The following COA1 variants were observed in gnomAD, a reference collection of about 807,000 sequenced individuals.
COA1 encodes cytochrome c oxidase assembly factor 1.
A neutral mutation model predicts 16.0 loss-of-function variants in COA1; 13 were observed. That is an observed-to-expected ratio of 0.81 (90% CI 0.53 to 1.29). The LOEUF is 1.29. Among genes scored for constraint, COA1 ranks in the 50% most tolerant of loss-of-function variants. The probability of loss-of-function intolerance (pLI) is 0.00; values close to 1 mark genes in which losing one functional copy is unlikely to be tolerated. For synonymous variants in COA1, 65 were observed against 65.7 expected (o/e 0.99, Z 0.05); for missense variants, 179 against 177.0 (o/e 1.01, Z -0.06).
intron 1 of COA1, among the ~76,000 whole-genome samples, chr7:43,672,773 CAAAA>C (rs34219718): frequency 3.0e-5 from 3 of 100,814 alleles, no homozygotes; most frequent in Admixed American, 1.1e-4. Context: ...CATCTCAAAC[CAAAA>C]AAAAAAAAAA....
intron 1 of COA1, among the ~76,000 whole-genome samples, chr7:43,693,061 G>A (rs893995136): frequency 6.6e-6 from 1 of 152,148 alleles, no homozygotes; most frequent in Non-Finnish European, 1.5e-5. Flanking sequence ...CAATTTTAAT[G>A]TACAACCAGG....
intron 6 of COA1, among the ~76,000 whole-genome samples, chr7:43,616,936 A>G (rs1025076912): frequency 2.0e-5 from 3 of 152,190 alleles, no homozygotes; most frequent in Admixed American, 1.3e-4. Flanking sequence ...TTCGTTTTTC[A>G]TATTGTAGCC....
intron 1 of COA1, among the ~76,000 whole-genome samples, chr7:43,658,355 T>C (rs547635131): frequency 1.9e-4 from 29 of 149,104 alleles, no homozygotes; most frequent in Non-Finnish European, 3.4e-4. Flanking sequence ...CGAGACTGTC[T>C]CAAAAAAAAA....
intron 1 of COA1, among the ~76,000 whole-genome samples, chr7:43,728,082 C>A (rs1446071665): frequency 5.9e-5 from 9 of 152,016 alleles, no homozygotes. Context: ...TCACACCATC[C>A]TCCTGCCTCA....
At chr7:43,644,785 G>GAGAGAGA (rs1563229504) in intron 4 of COA1, among the ~76,000 whole-genome samples, 7 of 107,306 alleles carry the variant, frequency 6.5e-5, no homozygotes, top group African/African-American at 2.5e-4. Context: ...CAGGCAGGCA[G>GAGAGAGA]GCAGGCAGAG....
At chr7:43,659,561 C>T (rs1003840632) in intron 1 of COA1, among the ~76,000 whole-genome samples, 2 of 152,170 alleles carry the variant, frequency 1.3e-5, no homozygotes, top group African/African-American at 4.8e-5. Flanking sequence ...CCCTATTAAA[C>T]ATTTACTTCA....
intron 1 of COA1, among the ~76,000 whole-genome samples, chr7:43,699,451 T>C (rs576833603): frequency 6.6e-6 from 1 of 152,190 alleles, no homozygotes; most frequent in African/African-American, 2.4e-5. Flanking sequence ...TTGTTTTTTT[T>C]AAAAAGTGAA....
At chr7:43,611,112 G>T (rs1036740229) in intron 6 of COA1, among the ~76,000 whole-genome samples, 2 of 152,172 alleles carry the variant, frequency 1.3e-5, no homozygotes, top group African/African-American at 4.8e-5. Context: ...ATGAGACTCC[G>T]TCTCAAAACA....
chr7:43,614,638 TAATA>T (rs2083182871), intron 6 of COA1, among the ~76,000 whole-genome samples: 1 of 152,218 alleles, frequency 6.6e-6, no homozygotes, highest in African/African-American at 2.4e-5. Context: ...AAAGGCCACA[TAATA>T]AATATTAACT....
chr7:43,644,900 G>C (rs1313376235), intron 4 of COA1, among the ~76,000 whole-genome samples: 1 of 150,752 alleles, frequency 6.6e-6, no homozygotes, highest in South Asian at 2.1e-4. Context: ...TCTTACCTCA[G>C]CCTCCCAAAG....
intron 1 of COA1, among the ~76,000 whole-genome samples, chr7:43,700,580 G>T (rs931648025): frequency 9.2e-6 from 1 of 108,590 alleles, no homozygotes; most frequent in African/African-American, 3.5e-5. Flanking sequence ...ACATATATAC[G>T]TGTATATATA....
chr7:43,616,705 G>A (rs1025024421), intron 6 of COA1, among the ~76,000 whole-genome samples: 1 of 152,152 alleles, frequency 6.6e-6, no homozygotes, highest in Non-Finnish European at 1.5e-5. Context: ...AGACCATCCT[G>A]GCTAACACGG....
chr7:43,617,353 G>C (rs1272423147), intron 6 of COA1, among the ~76,000 whole-genome samples: 1 of 152,216 alleles, frequency 6.6e-6, no homozygotes, highest in Non-Finnish European at 1.5e-5. Flanking sequence ...GCAAACCTTT[G>C]AAGAGGCCAT....
downstream of COA1, among the ~76,000 whole-genome samples, chr7:43,638,302 C>T (rs1382867114): frequency 1.3e-5 from 2 of 150,964 alleles, no homozygotes; most frequent in African/African-American, 4.9e-5. Context: ...GGCTGTCCTT[C>T]ATTGTAGACA....
chr7:43,713,729 T>G (rs1394250628), intron 1 of COA1, among the ~76,000 whole-genome samples: 1 of 152,168 alleles, frequency 6.6e-6, no homozygotes, highest in African/African-American at 2.4e-5. Context: ...CCTTGGGTAT[T>G]TGCTTATGAT....
chr7:43,653,421 C>T (rs937115264), intron 1 of COA1, among the ~76,000 whole-genome samples: 6 of 151,972 alleles, frequency 3.9e-5, no homozygotes, highest in African/African-American at 7.2e-5. Flanking sequence ...AAGGATAGTA[C>T]TAAAAAGCAA....
chr7:43,639,017 G>GAAAT (rs1480849386), downstream of COA1: 1 of 152,276 alleles, frequency 6.6e-6, no homozygotes, highest in Non-Finnish European at 1.5e-5. Context: ...GTTGGTGTCT[G>GAAAT]AAATAGAAAT....
intron 1 of COA1, chr7:43,650,821 A>G (rs1030771493): frequency 6.6e-6 from 1 of 152,010 alleles, no homozygotes; most frequent in Admixed American, 6.6e-5. Flanking sequence ...ACCACCAAAA[A>G]AAAAAAAAAA....
chr7:43,610,045 A>T (rs1277583986), intron 6 of COA1, among the ~76,000 whole-genome samples: 1 of 152,230 alleles, frequency 6.6e-6, no homozygotes, highest in Non-Finnish European at 1.5e-5. Context: ...GGGCCACTTT[A>T]AGAATTGCTA....
Sources: allele counts gnomAD v4.1 joint callset (sites outside exome capture counted in the v4.1 genomes callset), GRCh38; gene constraint gnomAD v4.1.1; transcripts MANE v1.5; gene names NCBI Gene and HGNC (gene_info 2026-07-23, HGNC 2026-07-21).